LRRC8C: variants seen among roughly 807,000 people sequenced by gnomAD.
LRRC8C encodes the protein volume-regulated anion channel subunit LRRC8C.
In LRRC8C, 20 loss-of-function variants were observed where a neutral mutation model predicts 55.3. That is an observed-to-expected ratio of 0.36 (90% CI 0.25 to 0.53). LRRC8C has a LOEUF of 0.53. Ranked by LOEUF, LRRC8C falls within the 20% of genes least tolerant of loss-of-function variation. The pLI is 0.92. For missense variants in LRRC8C, 659 were observed against 951.4 expected (o/e 0.69, Z 4.04); for synonymous variants, 376 against 360.7 (o/e 1.04, Z -0.48).
At chr1:89,651,586 A>C (rs1656783815) in intron 1 of LRRC8C, among the ~76,000 whole-genome samples, 1 of 150,996 alleles carries the variant, frequency 6.6e-6, no homozygotes, top group Non-Finnish European at 1.5e-5. Flanking sequence ...AAAAAAAAAA[A>C]AAAAGCAACG....
the LRRC8C span, among the ~76,000 whole-genome samples, chr1:89,616,105 C>A: frequency 6.6e-6 from 1 of 152,134 alleles, no homozygotes; most frequent in African/African-American, 2.4e-5. Flanking sequence ...TGTGCCCTGT[C>A]CTACTCCCTT....
Position 89,680,549 on chromosome 1 carries a change from C to CTTTT in LRRC8C, c.-4-5902_-4-5899dup, listed in dbSNP as rs10593283. Among the ~76,000 whole-genome samples, 17 of 91,872 alleles carry CTTTT rather than the reference C, an allele frequency of 1.9e-4. 2 individuals are homozygous for CTTTT. Among genetic ancestry groups the CTTTT allele is most frequent in the East Asian group, 3.7e-4 (1 of 2,676 alleles). The allele number at this position is 91,872 out of a possible 152,430, so 60.3% of individuals were successfully genotyped here. On this transcript the variant is annotated intron_variant, in intron 1 of 2. Coordinates refer to ENST00000370454, the MANE Select transcript of LRRC8C (RefSeq NM_032270.5). ...GTGCCAGGTGTTTCATGCTTTCATG[C>CTTTT]TTTTTTTTTTTTTTTTTTTTTTCTG...
intron 1 of LRRC8C, among the ~76,000 whole-genome samples, chr1:89,640,362 C>T (rs1285349031): frequency 6.6e-6 from 1 of 152,202 alleles, no homozygotes. Context: ...TGCACCCAGC[C>T]TCTCCTTATG....
chr1:89,682,841 G>C (rs920510978), intron 1 of LRRC8C, among the ~76,000 whole-genome samples: 1 of 152,204 alleles, frequency 6.6e-6, no homozygotes, highest in Non-Finnish European at 1.5e-5. Context: ...AAAGTACAAT[G>C]GTTGTCTGAA....
chr1:89,662,009 T>A (rs1657135021), intron 1 of LRRC8C, among the ~76,000 whole-genome samples: 1 of 152,118 alleles, frequency 6.6e-6, no homozygotes, highest in African/African-American at 2.4e-5. Context: ...CTGTTGCAAA[T>A]GCAAAAGCAG....
chr1:89,658,818 A>G (rs149522086), intron 1 of LRRC8C, among the ~76,000 whole-genome samples: 187 of 152,296 alleles, frequency 1.2e-3, no homozygotes, highest in Non-Finnish European at 2.1e-3. Context: ...TGAAGTGTAG[A>G]TTCCACTGTT....
intron 2 of LRRC8C, among the ~76,000 whole-genome samples, chr1:89,705,296 A>T (rs1421113101): frequency 8.4e-6 from 1 of 119,314 alleles, no homozygotes; most frequent in Non-Finnish European, 1.7e-5. Context: ...GGGGGGAGGG[A>T]TAGCATTGAG....
the LRRC8C span, among the ~76,000 whole-genome samples, chr1:89,621,919 C>T: frequency 6.6e-6 from 1 of 152,104 alleles, no homozygotes; most frequent in African/African-American, 2.4e-5. Context: ...TATACGGTAT[C>T]TTTTTTTCTC....
chr1:89,678,632 A>G (rs145551332), intron 1 of LRRC8C, among the ~76,000 whole-genome samples: 1,548 of 151,686 alleles, frequency 0.01, 40 homozygotes, highest in African/African-American at 0.036. Flanking sequence ...CCTGGGAGGC[A>G]GATATTGCAG....
At chr1:89,679,071 A>G (rs1193717058) in intron 1 of LRRC8C, among the ~76,000 whole-genome samples, 1 of 152,154 alleles carries the variant, frequency 6.6e-6, no homozygotes, top group Non-Finnish European at 1.5e-5. Flanking sequence ...AGGGGAGTGA[A>G]TGCATTAGGG....
At chr1:89,683,425 T>G (rs1657783603) in intron 1 of LRRC8C, among the ~76,000 whole-genome samples, 1 of 150,766 alleles carries the variant, frequency 6.6e-6, no homozygotes, top group Non-Finnish European at 1.5e-5. Flanking sequence ...TGGTGCGATC[T>G]CGGCTCACTG....
intron 2 of LRRC8C, chr1:89,706,203 A>T (rs1306209309): frequency 2.0e-5 from 9 of 440,378 alleles, no homozygotes; most frequent in South Asian, 1.5e-4. Flanking sequence ...CTGCAGAATG[A>T]CTTTTCCTGA....
chr1:89,636,073 C>T (rs537773301), intron 1 of LRRC8C, among the ~76,000 whole-genome samples: 10 of 152,154 alleles, frequency 6.6e-5, no homozygotes, highest in Non-Finnish European at 1.3e-4. Context: ...CGGACTCTGC[C>T]GTGCAGTAGG....
upstream of LRRC8C, among the ~76,000 whole-genome samples, chr1:89,628,488 C>T (rs1338260920): frequency 6.6e-6 from 1 of 152,168 alleles, no homozygotes; most frequent in Non-Finnish European, 1.5e-5. Flanking sequence ...CTTCTGGGCC[C>T]AAGTGATGTT....
At chr1:89,616,901 T>A in the LRRC8C span, among the ~76,000 whole-genome samples, 24 of 152,332 alleles carry the variant, frequency 1.6e-4, 2 homozygotes, top group Admixed American at 9.1e-4. Flanking sequence ...TTATGCTATA[T>A]GTGTCTTCAT....
upstream of LRRC8C, among the ~76,000 whole-genome samples, chr1:89,628,184 G>C (rs1656022982): frequency 6.6e-6 from 1 of 152,146 alleles, no homozygotes; most frequent in Admixed American, 6.5e-5. Flanking sequence ...CTGATTCAAA[G>C]TTTTATAGAA....
chr1:89,687,791 A>G (rs1481348464), intron 2 of LRRC8C, among the ~76,000 whole-genome samples: 5 of 152,228 alleles, frequency 3.3e-5, no homozygotes, highest in African/African-American at 4.8e-5. Context: ...AAATCAACGT[A>G]TTATAGAAGC....
intron 1 of LRRC8C, among the ~76,000 whole-genome samples, chr1:89,650,810 A>C (rs1656752465): frequency 6.6e-6 from 1 of 152,190 alleles, no homozygotes; most frequent in South Asian, 2.1e-4. Context: ...ACATCCCTCC[A>C]ATATCAAATA....
intron 1 of LRRC8C, among the ~76,000 whole-genome samples, 195 bp downstream of exon 1, chr1:89,633,517 G>T (rs1436284568): frequency 7.9e-5 from 12 of 152,182 alleles, no homozygotes; most frequent in African/African-American, 2.9e-4. Flanking sequence ...TGCGGCTCAG[G>T]AGCCCGCCAA....
Sources: allele counts gnomAD v4.1 joint callset (sites outside exome capture counted in the v4.1 genomes callset), GRCh38; gene constraint gnomAD v4.1.1; transcripts MANE v1.5; gene names NCBI Gene and HGNC (gene_info 2026-07-23, HGNC 2026-07-21).